BBOF1: variants seen among roughly 807,000 people sequenced by gnomAD.
The protein encoded by BBOF1 is basal body orientation factor 1.
Under a neutral mutation model 68.0 loss-of-function variants are expected in BBOF1, and 62 were observed. The observed-to-expected ratio is 0.91, with a 90% CI of 0.74 to 1.13. The LOEUF is 1.13. BBOF1 is among the 50% of genes most tolerant of loss of function. The pLI, the probability that BBOF1 is intolerant of heterozygous loss-of-function variation, is 0.00. For missense variants in BBOF1, 534 were observed against 600.1 expected (o/e 0.89, Z 1.15); for synonymous variants, 208 against 198.8 (o/e 1.05, Z -0.39).
intron 3 of BBOF1, among the ~76,000 whole-genome samples, chr14:74,029,716 A>C (rs907118041): frequency 3.3e-5 from 5 of 151,838 alleles, no homozygotes; most frequent in Admixed American, 2.6e-4. Context: ...ACAACATATT[A>C]TAAAAATAAG....
intron 2 of BBOF1, among the ~76,000 whole-genome samples, chr14:74,023,685 G>A (rs1316110274): frequency 1.3e-5 from 2 of 152,150 alleles, no homozygotes; most frequent in Non-Finnish European, 2.9e-5. Context: ...GGAGGCTGAG[G>A]TGGGCAGATT....
chr14:74,080,966 C>A (rs1488845253), intron 10 of BBOF1: 1 of 152,292 alleles, frequency 6.6e-6, no homozygotes, highest in Admixed American at 6.5e-5. Context: ...TATGCTCCTG[C>A]AATTTAACGT....
chr14:74,080,312 T>C (rs2060657860), intron 10 of BBOF1, among the ~76,000 whole-genome samples: 2 of 151,988 alleles, frequency 1.3e-5, no homozygotes, highest in Non-Finnish European at 2.9e-5. Flanking sequence ...GTCTCTCACT[T>C]GACCTTCCAT....
At chr14:74,075,105 T>G in intron 9 of BBOF1, 1 of 1,198,778 alleles carries the variant, frequency 8.3e-7, no homozygotes, top group African/African-American at 1.5e-5. Flanking sequence ...CTATTTGCTA[T>G]AGTATATAGG....
Position 74,049,684 on chromosome 14 carries a change from T to G in BBOF1, c.793-18T>G. The G allele has an allele frequency of 2.6e-6, 4 of 1,554,234 alleles. No individual in the cohort carries two copies. The highest frequency in any genetic ancestry group is 1.4e-5 in the African/African-American group (1 of 72,130). On this transcript the variant is annotated intron_variant, in intron 7 of 11. Coordinates refer to ENST00000394009, the MANE Select transcript of BBOF1 (RefSeq NM_025057.3). ...CTCAAAAGAAAAAAAAAATCACCTC[T>G]CATCTTTCTGTTTTTAGGAGATCAA...
chr14:74,044,980 C>T (rs1330732191), intron 5 of BBOF1, among the ~76,000 whole-genome samples: 2 of 152,132 alleles, frequency 1.3e-5, no homozygotes, highest in Non-Finnish European at 1.5e-5. Flanking sequence ...CCAGTCATCC[C>T]GCCTTGGCCT....
At chr14:74,039,672 A>T (rs1308956669) in intron 4 of BBOF1, among the ~76,000 whole-genome samples, 3 of 151,516 alleles carry the variant, frequency 2.0e-5, no homozygotes, top group Admixed American at 1.3e-4. Context: ...CCTGGATCTC[A>T]GGTCATCCAC....
Position 74,030,931 on chromosome 14 carries a change from T to G in BBOF1, c.351+1682T>G, listed in dbSNP as rs577325303. Reference sequence around the variant, plus strand: ...AAAAAAAGTCATAAACATATATATATATATATATAGAGAGAGAGAGATTAT... The same window carrying G: ...AAAAAAAGTCATAAACATATATATAGATATATATAGAGAGAGAGAGATTAT... On this transcript the variant is annotated intron_variant, in intron 3 of 11. Coordinates refer to ENST00000394009, the MANE Select transcript of BBOF1 (RefSeq NM_025057.3). 1.6e-3 allele frequency among the ~76,000 whole-genome samples: 235 copies of G among 143,342 alleles called. 1 individual carries two copies. The highest frequency in any genetic ancestry group is 5.8e-3 in the African/African-American group (222 of 38,552). The allele number at this position is 143,342 out of a possible 152,430, so 94.0% of individuals were successfully genotyped here. A position where few individuals can be genotyped will look rare whatever the true frequency, so the allele number is the denominator to read the frequency against.
intron 5 of BBOF1, among the ~76,000 whole-genome samples, chr14:74,042,306 T>A (rs2059840842): frequency 6.6e-6 from 1 of 152,220 alleles, no homozygotes; most frequent in African/African-American, 2.4e-5. Flanking sequence ...TCCCTGGCAC[T>A]GTCAGGAATG....
At chr14:74,056,269 C>T (rs567398291) in intron 9 of BBOF1, among the ~76,000 whole-genome samples, 18 of 145,974 alleles carry the variant, frequency 1.2e-4, no homozygotes, top group Admixed American at 5.0e-4. Context: ...GATGTAATCT[C>T]GGCTCACTGC....
intron 2 of BBOF1, among the ~76,000 whole-genome samples, chr14:74,024,541 C>T (rs2059381443): frequency 1.3e-5 from 2 of 152,216 alleles, no homozygotes; most frequent in Non-Finnish European, 1.5e-5. Context: ...TCACGGCTCA[C>T]CACAGGATCG....
At chr14:74,056,223 A>C (rs2139683299) in intron 9 of BBOF1, among the ~76,000 whole-genome samples, 1 of 133,858 alleles carries the variant, frequency 7.5e-6, no homozygotes, top group South Asian at 2.4e-4. Flanking sequence ...TTTTTTGAGA[A>C]GGAGTCTCAT....
chr14:74,078,877 T>C (rs1595134087), intron 10 of BBOF1, among the ~76,000 whole-genome samples: 2 of 151,370 alleles, frequency 1.3e-5, no homozygotes, highest in African/African-American at 4.9e-5. Flanking sequence ...GTTGGCCAGG[T>C]TGGTCTCGAA....
chr14:74,021,276 G>A (rs1448819477), intron 1 of BBOF1, among the ~76,000 whole-genome samples: 1 of 151,930 alleles, frequency 6.6e-6, no homozygotes, highest in Non-Finnish European at 1.5e-5. Context: ...CTATATAAAT[G>A]ATTATGGTTT....
chr14:74,063,062 C>A (rs2060381782), intron 11 of BBOF1, among the ~76,000 whole-genome samples: 1 of 152,142 alleles, frequency 6.6e-6, no homozygotes, highest in African/African-American at 2.4e-5. Context: ...TCTCTAACTT[C>A]ATTTCTTCCT....
downstream of BBOF1, chr14:74,067,256 G>T: frequency 8.7e-7 from 1 of 1,145,008 alleles, no homozygotes; most frequent in South Asian, 1.2e-5. Context: ...GACAAGTACA[G>T]TATAAAGAGA....
At chr14:74,026,444 CAA>C (rs1166375665) in intron 2 of BBOF1, among the ~76,000 whole-genome samples, 2 of 33,078 alleles carry the variant, frequency 6.0e-5, no homozygotes, top group African/African-American at 2.2e-4. Flanking sequence ...AACTCCATCT[CAA>C]AAAAAAAAAA....
Position 74,034,173 on chromosome 14 carries a change from T to C in BBOF1, c.495+2T>C, listed in dbSNP as rs765312925. On this transcript the variant is annotated splice_donor_variant, in intron 4 of 11. Transcript: ENST00000394009. LOFTEE classifies it high-confidence loss of function. ...CAAGTGGAGAGAGAGTTAGATGATG[T>C]AAGTTTCATTCCTTTTTTACAAAAA... 4 of 1,533,398 alleles carry C rather than the reference T, an allele frequency of 2.6e-6. No homozygotes were observed. Among genetic ancestry groups the C allele is most frequent in the Non-Finnish European group, 3.5e-6 (4 of 1,140,850 alleles). The allele number at this position is 1,533,398 out of a possible 1,614,324, so 95.0% of individuals were successfully genotyped here.
At chr14:74,069,005 A>C (rs1772765520), downstream of BBOF1, 1 of 1,610,396 alleles carries the variant, frequency 6.2e-7, no homozygotes. Flanking sequence ...ATAAATGATC[A>C]CTCACAAAGG....
Sources: allele counts gnomAD v4.1 joint callset (sites outside exome capture counted in the v4.1 genomes callset), GRCh38; gene constraint gnomAD v4.1.1; transcripts MANE v1.5; gene names NCBI Gene and HGNC (gene_info 2026-07-23, HGNC 2026-07-21).